PAPPA: variants seen among roughly 807,000 people sequenced by gnomAD.
PAPPA encodes pappalysin 1.
In PAPPA, 60 loss-of-function variants were observed where a neutral mutation model predicts 164.0. The ratio of observed to expected loss-of-function variants is 0.37; its 90% CI spans 0.30 to 0.45. The LOEUF is 0.45. Among genes scored for constraint, PAPPA ranks in the 20% least tolerant of loss-of-function variants. The probability of loss-of-function intolerance (pLI) is 1.00; values close to 1 mark genes in which losing one functional copy is unlikely to be tolerated. For synonymous variants in PAPPA, 875 were observed against 814.1 expected (o/e 1.07, Z -1.27); for missense variants, 1,782 against 2,087.3 (o/e 0.85, Z 2.85).
chr9:116,341,114 C>T (rs899358126), intron 13 of PAPPA, among the ~76,000 whole-genome samples: 3 of 151,972 alleles, frequency 2.0e-5, no homozygotes, highest in Non-Finnish European at 4.4e-5. Flanking sequence ...AATCTTGTCT[C>T]ACTGCAACCT....
At chr9:116,251,980 C>T (rs1471060058) in intron 7 of PAPPA, among the ~76,000 whole-genome samples, 1 of 152,156 alleles carries the variant, frequency 6.6e-6, no homozygotes, top group Non-Finnish European at 1.5e-5. Context: ...TCCATTCTTT[C>T]CCTTCTATTT....
chr9:116,225,756 A>C (rs1324496388), intron 5 of PAPPA, among the ~76,000 whole-genome samples: 1 of 152,140 alleles, frequency 6.6e-6, no homozygotes, highest in East Asian at 1.9e-4. Flanking sequence ...TACAATTTGA[A>C]GGTCTGCACT....
chr9:116,269,512 A>G (rs1046827258), intron 8 of PAPPA, among the ~76,000 whole-genome samples: 1 of 152,228 alleles, frequency 6.6e-6, no homozygotes, highest in Admixed American at 6.5e-5. Context: ...AGGCAAAGGC[A>G]GTCAGTTTGA....
chr9:116,196,609 C>T (rs1844106716), intron 2 of PAPPA, among the ~76,000 whole-genome samples: 2 of 152,232 alleles, frequency 1.3e-5, no homozygotes, highest in Admixed American at 1.3e-4. Flanking sequence ...AGGGAACCTC[C>T]ACACCTCCAC....
intron 9 of PAPPA, among the ~76,000 whole-genome samples, chr9:116,289,269 A>ATATATG (rs1845396163): frequency 1.1e-5 from 1 of 92,568 alleles, no homozygotes. Context: ...ATATATATAT[A>ATATATG]GCATATATAT....
At chr9:116,262,386 G>A (rs936933190) in intron 7 of PAPPA, among the ~76,000 whole-genome samples, 4 of 152,152 alleles carry the variant, frequency 2.6e-5, no homozygotes, top group Admixed American at 2.6e-4. Context: ...AATTTGATGT[G>A]AGAAATCAGA....
intron 21 of PAPPA, among the ~76,000 whole-genome samples, chr9:116,385,062 C>T (rs12238087): frequency 0.036 from 5,401 of 151,746 alleles, 194 homozygotes; most frequent in East Asian, 0.11. Flanking sequence ...GGTGAAACCC[C>T]GTCTCTACTA....
At chr9:116,358,707 T>C (rs2416558) in intron 17 of PAPPA, among the ~76,000 whole-genome samples, 3,924 of 152,324 alleles carry the variant, frequency 0.026, 156 homozygotes, top group African/African-American at 0.091. Context: ...AGAAGTCTAC[T>C]GCTTCTCCCT....
At chr9:116,384,265 C>G (rs533252484) in intron 21 of PAPPA, among the ~76,000 whole-genome samples, 1 of 55,918 alleles carries the variant, frequency 1.8e-5, no homozygotes, top group African/African-American at 7.9e-5. Context: ...TGTCTCTACA[C>G]GTAATTAATA....
chr9:116,337,101 C>A (rs578262575), intron 13 of PAPPA, among the ~76,000 whole-genome samples: 1 of 152,180 alleles, frequency 6.6e-6, no homozygotes, highest in Non-Finnish European at 1.5e-5. Flanking sequence ...CCCTGAAAGC[C>A]GTGCTCTGCC....
intron 13 of PAPPA, among the ~76,000 whole-genome samples, chr9:116,338,258 C>T (rs530752759): frequency 1.4e-4 from 22 of 152,278 alleles, no homozygotes; most frequent in African/African-American, 4.6e-4. Context: ...TTTTCACATT[C>T]GCTTTCTTCC....
At chr9:116,395,433 C>A (rs1337921748) in intron 21 of PAPPA, among the ~76,000 whole-genome samples, 1 of 152,144 alleles carries the variant, frequency 6.6e-6, no homozygotes, top group Non-Finnish European at 1.5e-5. Flanking sequence ...AGGCAGGAGG[C>A]AAATGAGGTC....
intron 1 of PAPPA, among the ~76,000 whole-genome samples, chr9:116,176,495 G>T (rs1843836453): frequency 6.6e-6 from 1 of 152,124 alleles, no homozygotes; most frequent in Non-Finnish European, 1.5e-5. Flanking sequence ...TGCATAATAG[G>T]ATGCTCATTT....
chr9:116,319,313 G>A (rs574441870), intron 10 of PAPPA, among the ~76,000 whole-genome samples: 1 of 152,204 alleles, frequency 6.6e-6, no homozygotes, highest in African/African-American at 2.4e-5. Flanking sequence ...AGCTGGAGGA[G>A]CTCAAGCCCC....
intron 2 of PAPPA, among the ~76,000 whole-genome samples, chr9:116,197,453 C>A (rs892253401): frequency 6.6e-6 from 1 of 152,220 alleles, no homozygotes; most frequent in African/African-American, 2.4e-5. Context: ...CAAGTCCCAG[C>A]AGTGGCCTTG....
chr9:116,256,450 A>G (rs557889613), intron 7 of PAPPA, among the ~76,000 whole-genome samples: 1 of 152,100 alleles, frequency 6.6e-6, no homozygotes, highest in East Asian at 2.0e-4. Context: ...TAATCAGATT[A>G]AAGCCAATTG....
intron 9 of PAPPA, among the ~76,000 whole-genome samples, chr9:116,285,116 T>TTGC (rs1379560804): frequency 6.6e-6 from 1 of 151,838 alleles, no homozygotes; most frequent in African/African-American, 2.4e-5. Context: ...AGCCCAGGAT[T>TTGC]TGCTTTTCTT....
intron 17 of PAPPA, among the ~76,000 whole-genome samples, chr9:116,360,063 C>T (rs751543): frequency 0.66 from 100,234 of 152,146 alleles, 33,717 homozygotes; most frequent in Middle Eastern, 0.74. Flanking sequence ...GAGCAGACTC[C>T]GGCTACTTCT....
At chr9:116,269,808 T>C (rs1038013341) in intron 8 of PAPPA, among the ~76,000 whole-genome samples, 1 of 152,174 alleles carries the variant, frequency 6.6e-6, no homozygotes, top group Non-Finnish European at 1.5e-5. Flanking sequence ...TGCATTAGCT[T>C]AGAAGCACAA....
Sources: gnomAD v4.1 joint callset for allele counts (sites outside exome capture counted in the v4.1 genomes callset) on GRCh38, gnomAD v4.1.1 for gene constraint, MANE v1.5 for transcripts, NCBI Gene and HGNC (gene_info 2026-07-23, HGNC 2026-07-21) for gene names.